Variants in INVS observed in about 807,000 individuals in gnomAD.
INVS encodes the protein inversion of embryo turning homolog.
Under a neutral mutation model 108.8 loss-of-function variants are expected in INVS, and 86 were observed. That is an observed-to-expected ratio of 0.79 (90% CI 0.66 to 0.95). The LOEUF is 0.95. Ranked by LOEUF, INVS falls within the 40% of genes least tolerant of loss-of-function variation. The pLI, the probability that INVS is intolerant of heterozygous loss-of-function variation, is 0.00. For missense variants in INVS, 1,169 were observed against 1,297.4 expected, an observed-to-expected ratio of 0.90 and a Z score of 1.52; for synonymous variants, 455 against 473.5, an observed-to-expected ratio of 0.96 and a Z score of 0.51.
At chr9:100,131,763 A>G (rs7047193) in intron 3 of INVS, 41,704 of 227,760 alleles carry the variant, frequency 0.18, 6,462 homozygotes, top group African/African-American at 0.49. Context: ...ATTATATCAC[A>G]GTAAACACAA....
intron 3 of INVS, among the ~76,000 whole-genome samples, chr9:100,210,071 A>G (rs1383484667): frequency 6.6e-6 from 1 of 152,162 alleles, no homozygotes; most frequent in African/African-American, 2.4e-5. Flanking sequence ...TGTTTTCTCC[A>G]ATAAGCTTCT....
chr9:100,177,424 CT>C (rs1829753484), intron 3 of INVS, among the ~76,000 whole-genome samples: 2 of 152,322 alleles, frequency 1.3e-5, no homozygotes, highest in Admixed American at 1.3e-4. Flanking sequence ...ACCTGGGACA[CT>C]CTAGCTTGGT....
chr9:100,249,242 A>G (rs994192006), intron 8 of INVS, among the ~76,000 whole-genome samples: 7 of 152,126 alleles, frequency 4.6e-5, no homozygotes, highest in Non-Finnish European at 7.4e-5. Context: ...TCAGCTAAGT[A>G]TTTCAGGTAC....
chr9:100,131,816 T>A (rs1828062424), intron 3 of INVS: 2 of 590,256 alleles, frequency 3.4e-6, no homozygotes, highest in South Asian at 1.5e-4. Context: ...GTCCTTTTTT[T>A]AAATTCATAA....
intron 10 of INVS, among the ~76,000 whole-genome samples, chr9:100,255,001 G>T (rs998168851): frequency 1.3e-5 from 2 of 152,052 alleles, no homozygotes; most frequent in African/African-American, 4.8e-5. Context: ...TATAAATTAT[G>T]TTGGGCAATA....
rs751109948 is a variant in INVS, at chr9:100,292,295, T to G, written c.2069-31T>G. The G allele has an allele frequency of 2.5e-6, 4 of 1,585,118 alleles. No homozygotes were observed. In the African/African-American group the frequency reaches 5.4e-5, roughly 21 times the overall value. On this transcript the variant is annotated intron_variant, in intron 13 of 16. Coordinates refer to ENST00000262457, the MANE Select transcript of INVS (RefSeq NM_014425.5). ...GGAAAATTATCCTACTCTGCAAGTT[T>G]TGGACAATATTTTTTCTTTGTTTCC...
At chr9:100,125,336 A>G (rs1428477646) in intron 2 of INVS, among the ~76,000 whole-genome samples, 1 of 152,218 alleles carries the variant, frequency 6.6e-6, no homozygotes, top group Non-Finnish European at 1.5e-5. Flanking sequence ...GCATAGTCAA[A>G]TGGTTCACTC....
intron 3 of INVS, among the ~76,000 whole-genome samples, chr9:100,219,305 C>T (rs1043178354): frequency 1.3e-5 from 2 of 152,148 alleles, no homozygotes; most frequent in Middle Eastern, 3.2e-3. Flanking sequence ...TCGGGAAATG[C>T]ACATTAAAAC....
intron 11 of INVS, among the ~76,000 whole-genome samples, chr9:100,267,378 G>A (rs1021268973): frequency 1.3e-5 from 2 of 152,232 alleles, no homozygotes; most frequent in African/African-American, 2.4e-5. Flanking sequence ...GTACCTTGAT[G>A]TACAAATGTC....
In INVS at chr9:100,149,564, T is replaced by A. The variant is rs78092700; in HGVS notation, c.273+23015T>A. On this transcript the variant is annotated intron_variant, in intron 3 of 16. Transcript: ENST00000262457. ...AACTATCTCTAAACCTATCCTCTCA[T>A]TTTCCAGTTTAGAAGGTGCTTTCAG... 1.0e-3 allele frequency among the ~76,000 whole-genome samples: 157 copies of A among 152,336 alleles called. 4 individuals are homozygous for A. The East Asian group carries it at 0.026, about 25-fold the overall frequency.
intron 2 of INVS, 96 bp downstream of exon 2, chr9:100,104,723 TTTTAA>T: frequency 2.5e-6 from 2 of 791,464 alleles, no homozygotes; most frequent in Non-Finnish European, 4.4e-6. Context: ...TACTCATACA[TTTTAA>T]TGGAAATATG....
intron 2 of INVS, among the ~76,000 whole-genome samples, chr9:100,107,688 G>A (rs1827222612): frequency 6.6e-6 from 1 of 152,150 alleles, no homozygotes; most frequent in African/African-American, 2.4e-5. Context: ...AATGAAATCT[G>A]TTCATTGTAT....
At chr9:100,253,310 T>C (rs935564547) in intron 10 of INVS, among the ~76,000 whole-genome samples, 174 bp downstream of exon 10, 2 of 152,198 alleles carry the variant, frequency 1.3e-5, no homozygotes, top group Non-Finnish European at 2.9e-5. Context: ...TCTATATATA[T>C]AATTTAACAT....
In INVS at chr9:100,104,645, G is replaced by A. The variant is rs763812964; in HGVS notation, c.106+18G>A. 48 of 1,547,180 alleles carry A rather than the reference G, an allele frequency of 3.1e-5. No individual in the cohort carries two copies. Among genetic ancestry groups the A allele is most frequent in the Non-Finnish European group, 8.9e-7 (1 of 1,119,128 alleles). Reference sequence around the variant, plus strand: ...CATCGTAGGTAAGCAGTCCCCTTAAGTACAGAAACTTTAAAAGCAACTGTT... The same window carrying A: ...CATCGTAGGTAAGCAGTCCCCTTAAATACAGAAACTTTAAAAGCAACTGTT... On this transcript the variant is annotated intron_variant, in intron 2 of 16. Coordinates refer to ENST00000262457, the MANE Select transcript of INVS (RefSeq NM_014425.5).
At position 100,284,307 on chromosome 9, in the gene INVS, G is replaced by T; in HGVS notation, c.1785-13G>T. On this transcript the variant is annotated splice_polypyrimidine_tract_variant and intron_variant, in intron 12 of 16. Coordinates refer to ENST00000262457, the MANE Select transcript of INVS (RefSeq NM_014425.5). Reference sequence around the variant, plus strand: ...TTAAATTTTTTCATCTTCTTCTTTGGCTTTGCTTCCAGAAAGCGAGAGGAA... The same window carrying T: ...TTAAATTTTTTCATCTTCTTCTTTGTCTTTGCTTCCAGAAAGCGAGAGGAA... 6.2e-7 allele frequency: 1 copy of T among 1,613,078 alleles called. No individual in the cohort carries two copies. Among genetic ancestry groups the T allele is most frequent in the Non-Finnish European group, 8.5e-7 (1 of 1,180,016 alleles).
intron 3 of INVS, among the ~76,000 whole-genome samples, chr9:100,172,166 C>T (rs1297716826): frequency 6.6e-6 from 1 of 152,044 alleles, no homozygotes; most frequent in East Asian, 1.9e-4. Context: ...AACCAAAACA[C>T]TTAGGTAACA....
At chr9:100,118,756 G>T (rs1827632345) in intron 2 of INVS, among the ~76,000 whole-genome samples, 1 of 151,918 alleles carries the variant, frequency 6.6e-6, no homozygotes, top group Admixed American at 6.6e-5. Context: ...TGCCTCCCAG[G>T]TTCAAGCGAT....
intron 2 of INVS, among the ~76,000 whole-genome samples, chr9:100,112,793 C>G (rs1033142808): frequency 6.6e-6 from 1 of 152,118 alleles, no homozygotes; most frequent in East Asian, 1.9e-4. Context: ...TGGATAAGCT[C>G]GAGTTAGGAT....
chr9:100,174,026 C>A (rs1390034988), intron 3 of INVS, among the ~76,000 whole-genome samples: 2 of 152,236 alleles, frequency 1.3e-5, no homozygotes, highest in Admixed American at 6.5e-5. Flanking sequence ...AGAATCTTTA[C>A]AACACATCAT....
Sources: allele counts gnomAD v4.1 joint callset (sites outside exome capture counted in the v4.1 genomes callset), GRCh38; gene constraint gnomAD v4.1.1; transcripts MANE v1.5; gene names NCBI Gene and HGNC (gene_info 2026-07-23, HGNC 2026-07-21).